PHF24: variants seen among roughly 807,000 people sequenced by gnomAD.
PHF24 encodes PHD finger protein 24, also known as Galpha inhibitory interacting protein.
PHF24 carries 25 observed loss-of-function variants against 42.6 expected under a neutral mutation model. The ratio of observed to expected loss-of-function variants is 0.59; its 90% CI spans 0.43 to 0.82. The LOEUF is 0.82. Among genes scored for constraint, PHF24 ranks in the 40% least tolerant of loss-of-function variants. PHF24 has a pLI of 0.00. For missense variants in PHF24, 470 were observed against 538.1 expected, an observed-to-expected ratio of 0.87 and a Z score of 1.25; for synonymous variants, 185 against 204.8, an observed-to-expected ratio of 0.90 and a Z score of 0.83.
the PHF24 span, among the ~76,000 whole-genome samples, chr9:34,927,182 G>A: frequency 6.6e-6 from 1 of 152,188 alleles, no homozygotes; most frequent in South Asian, 2.1e-4. Context: ...TGTTCATCTG[G>A]CTGGAAGTGC....
intron 3 of PHF24, 29 bp downstream of exon 3, chr9:34,972,560 G>T (rs764099509): frequency 3.2e-6 from 5 of 1,552,586 alleles, no homozygotes; most frequent in Admixed American, 3.9e-5. Context: ...GACAGCAGAG[G>T]ACTTGGCACT....
chr9:34,784,245 T>A, the PHF24 span, among the ~76,000 whole-genome samples: 1 of 152,232 alleles, frequency 6.6e-6, no homozygotes, highest in Non-Finnish European at 1.5e-5. Context: ...GTTTTGTATG[T>A]GCACAAGTGA....
chr9:34,955,727 G>A (rs1354349782), upstream of PHF24, among the ~76,000 whole-genome samples: 1 of 152,194 alleles, frequency 6.6e-6, no homozygotes, highest in Admixed American at 6.5e-5. Context: ...CACCTTGTCA[G>A]AGTCCCAGCT....
At chr9:34,778,386 T>G in the PHF24 span, among the ~76,000 whole-genome samples, 22 of 152,278 alleles carry the variant, frequency 1.4e-4, no homozygotes, top group African/African-American at 5.1e-4. Context: ...GGAGATGTAT[T>G]ATAGACAAAG....
At chr9:34,940,936 C>T in the PHF24 span, among the ~76,000 whole-genome samples, 35 of 152,152 alleles carry the variant, frequency 2.3e-4, no homozygotes, top group Admixed American at 2.2e-3. Flanking sequence ...GCCTGAAATG[C>T]CTTGGTGGGA....
the PHF24 span, among the ~76,000 whole-genome samples, chr9:34,921,410 T>G: frequency 1.3e-5 from 2 of 151,936 alleles, no homozygotes; most frequent in Non-Finnish European, 2.9e-5. Context: ...AATACATGGG[T>G]TTTTGTTTTA....
chr9:34,884,190 G>A, the PHF24 span, among the ~76,000 whole-genome samples: 2 of 152,218 alleles, frequency 1.3e-5, no homozygotes, highest in Non-Finnish European at 2.9e-5. Context: ...ACAGGGTGGG[G>A]AACATCACAC....
the PHF24 span, among the ~76,000 whole-genome samples, chr9:34,944,890 A>T: frequency 5.8e-5 from 8 of 137,740 alleles, no homozygotes; most frequent in African/African-American, 1.9e-4. Flanking sequence ...TTGTCTCTTT[A>T]AAAAAAAAAA....
chr9:34,981,853 CCAGA>C (rs2132952426), exon 8 of PHF24: 1 of 152,032 alleles, frequency 6.6e-6, no homozygotes, highest in South Asian at 2.1e-4. Flanking sequence ...TGGCTGCAAC[CCAGA>C]CAATGGCGAG....
At chr9:34,889,727 C>A in the PHF24 span, 1 of 397,606 alleles carries the variant, frequency 2.5e-6, no homozygotes, top group Non-Finnish European at 4.4e-6. Flanking sequence ...AATTTTGACC[C>A]TGCAAATTTT....
chr9:34,738,405 C>T, the PHF24 span, among the ~76,000 whole-genome samples: 4 of 151,894 alleles, frequency 2.6e-5, no homozygotes, highest in Non-Finnish European at 5.9e-5. Flanking sequence ...GGCTGGAGTG[C>T]GGTGGTGCAA....
At chr9:34,779,794 T>C in the PHF24 span, among the ~76,000 whole-genome samples, 75,424 of 152,038 alleles carry the variant, frequency 0.5, 21,187 homozygotes, top group Non-Finnish European at 0.63. Context: ...GGCGCGATCT[T>C]GGCTCACTGC....
chr9:34,865,625 C>T, the PHF24 span, among the ~76,000 whole-genome samples: 1 of 151,888 alleles, frequency 6.6e-6, no homozygotes, highest in Non-Finnish European at 1.5e-5. Context: ...TGGTAGTAAC[C>T]TCAAATCAAA....
At chr9:34,927,006 G>T in the PHF24 span, among the ~76,000 whole-genome samples, 1 of 152,168 alleles carries the variant, frequency 6.6e-6, no homozygotes, top group African/African-American at 2.4e-5. Context: ...AGAGGCAGGG[G>T]TGCTGTGGGG....
At chr9:34,964,537 C>A (rs553052190) in intron 1 of PHF24, among the ~76,000 whole-genome samples, 2 of 152,296 alleles carry the variant, frequency 1.3e-5, no homozygotes, top group African/African-American at 4.8e-5. Context: ...AATAGAGGCT[C>A]CCCAGCTTCC....
chr9:34,854,196 ATTT>A, the PHF24 span, among the ~76,000 whole-genome samples: 2 of 106,666 alleles, frequency 1.9e-5, no homozygotes, highest in Non-Finnish European at 3.8e-5. Context: ...CAGTCTATCT[ATTT>A]TTTTTTTTTT....
Sources: allele counts gnomAD v4.1 joint callset (sites outside exome capture counted in the v4.1 genomes callset), GRCh38; gene constraint gnomAD v4.1.1; transcripts MANE v1.5; gene names NCBI Gene and HGNC (gene_info 2026-07-23, HGNC 2026-07-21).